The following UBAP2 variants were observed in gnomAD, a reference collection of about 807,000 sequenced individuals.
UBAP2 encodes ubiquitin associated protein 2.
UBAP2 carries 75 observed loss-of-function variants against 139.6 expected under a neutral mutation model. The ratio of observed to expected loss-of-function variants is 0.54; its 90% CI spans 0.45 to 0.65. UBAP2 has a LOEUF of 0.65. Among genes scored for constraint, UBAP2 ranks in the 30% least tolerant of loss-of-function variants. The pLI, the probability that UBAP2 is intolerant of heterozygous loss-of-function variation, is 0.00. For synonymous variants in UBAP2, 526 were observed against 526.2 expected (o/e 1.00, Z 0.01); for missense variants, 1,368 against 1,369.6 (o/e 1.00, Z 0.02).
chr9:34,022,019 C>T (rs1824992017), intron 1 of UBAP2, among the ~76,000 whole-genome samples: 1 of 152,100 alleles, frequency 6.6e-6, no homozygotes, highest in African/African-American at 2.4e-5. Flanking sequence ...CCAAGGCAGA[C>T]AGATCACCTG....
chr9:33,926,863 G>T, intron 21 of UBAP2, 126 bp downstream of exon 21: 2 of 1,033,174 alleles, frequency 1.9e-6, no homozygotes, highest in South Asian at 1.3e-5. Context: ...GGGCAGAGAC[G>T]GGGGTGCTCA....
At chr9:33,925,580 C>T (rs1195913637) in intron 22 of UBAP2, among the ~76,000 whole-genome samples, 2 of 152,200 alleles carry the variant, frequency 1.3e-5, no homozygotes, top group Non-Finnish European at 2.9e-5. Flanking sequence ...CCACCTCCTG[C>T]AGTTTGGGCC....
chr9:34,027,103 T>C (rs994036190), intron 1 of UBAP2, among the ~76,000 whole-genome samples: 8 of 152,200 alleles, frequency 5.3e-5, no homozygotes, highest in African/African-American at 1.9e-4. Context: ...CATTTTCTAC[T>C]AAGAAAACAG....
rs559894162 is a variant in UBAP2, at chr9:33,927,202, G to A, written c.2372-122C>T. 4.9e-5 allele frequency: 33 copies of A among 675,740 alleles called. 1 individual carries two copies. In the African/African-American group the frequency reaches 5.6e-4, roughly 11 times the overall value. The allele number at this position is 675,740 out of a possible 1,614,324, so 41.9% of individuals were successfully genotyped here. On this transcript the variant is annotated intron_variant, in intron 20 of 28. Coordinates refer to ENST00000379238, the MANE Select transcript of UBAP2 (RefSeq NM_001370062.2). ...CAGATGGGTTCAAAGAAGGGCAGTG[G>A]CCGAATGAGGCAGAGGGTCATTCTA...
At chr9:34,038,640 C>A (rs889419114) in intron 1 of UBAP2, among the ~76,000 whole-genome samples, 4 of 152,180 alleles carry the variant, frequency 2.6e-5, no homozygotes, top group Non-Finnish European at 5.9e-5. Context: ...CTACAACCTC[C>A]ACCTCCCACC....
chr9:33,935,169 G>GGC (rs1554680835), intron 17 of UBAP2, among the ~76,000 whole-genome samples: 3 of 144,866 alleles, frequency 2.1e-5, no homozygotes, highest in Non-Finnish European at 4.7e-5. Context: ...GTGGCGGGGG[G>GGC]GGGGGGTCTC....
At chr9:33,957,454 T>C (rs1826665734) in intron 10 of UBAP2, among the ~76,000 whole-genome samples, 1 of 152,244 alleles carries the variant, frequency 6.6e-6, no homozygotes, top group Admixed American at 6.5e-5. Context: ...ACATGCTTTC[T>C]GACACTACAG....
chr9:34,001,945 T>C (rs1244174086), intron 2 of UBAP2, among the ~76,000 whole-genome samples: 4 of 151,708 alleles, frequency 2.6e-5, no homozygotes, highest in Non-Finnish European at 5.9e-5. Context: ...TTTATGTATT[T>C]GGTATTTATA....
chr9:34,022,769 AAAG>A (rs1403292249), intron 1 of UBAP2, among the ~76,000 whole-genome samples: 1 of 152,156 alleles, frequency 6.6e-6, no homozygotes, highest in Non-Finnish European at 1.5e-5. Flanking sequence ...CATTTTAAGA[AAAG>A]AATAAAACAG....
chr9:34,017,308 G>T (rs1181093722), intron 1 of UBAP2, 119 bp from the exon 2 acceptor site: 3 of 462,064 alleles, frequency 6.5e-6, no homozygotes, highest in Non-Finnish European at 1.1e-5. Flanking sequence ...AAATTCTCAA[G>T]AAGTAGCCCT....
intron 5 of UBAP2, among the ~76,000 whole-genome samples, chr9:33,988,604 C>A (rs1195381751): frequency 6.6e-6 from 1 of 152,242 alleles, no homozygotes; most frequent in Admixed American, 6.5e-5. Flanking sequence ...TTGCCACACA[C>A]ACACCATTCT....
At chr9:33,982,258 GCAAAAATCCTCAATTA>G (rs1221585346) in intron 6 of UBAP2, among the ~76,000 whole-genome samples, 1 of 152,010 alleles carries the variant, frequency 6.6e-6, no homozygotes, top group Non-Finnish European at 1.5e-5. Flanking sequence ...CAAATCCTTT[GCAAAAATCCTCAATTA>G]CACTCCACTA....
intron 1 of UBAP2, among the ~76,000 whole-genome samples, chr9:34,041,284 C>T (rs1319745986): frequency 8.7e-5 from 12 of 137,544 alleles, no homozygotes; most frequent in Non-Finnish European, 1.5e-5. Flanking sequence ...GAACCCACAG[C>T]TCTACTAAAA....
chr9:33,970,247 T>G (rs1827816210), intron 8 of UBAP2, among the ~76,000 whole-genome samples: 1 of 151,930 alleles, frequency 6.6e-6, no homozygotes, highest in Non-Finnish European at 1.5e-5. Flanking sequence ...AACCAATTAT[T>G]CACGTTCTCA....
chr9:34,014,324 C>CAAA (rs1170182976), intron 2 of UBAP2, among the ~76,000 whole-genome samples: 17,140 of 55,482 alleles, frequency 0.31, 3,397 homozygotes, highest in East Asian at 0.66. Flanking sequence ...GAGACTGTCT[C>CAAA]AAAAAAAAAA....
rs571950684 is a variant in UBAP2 at position 34,016,823 on chromosome 9, G to T, written c.99+227C>A. On this transcript the variant is annotated intron_variant, in intron 2 of 28. Transcript: ENST00000379238. ...TCCACCCACCTCGGCCTCCCAAAGT[G>T]CTGGGATTACAGGCGTGAGCCACCG... Among the ~76,000 whole-genome samples, 3 of 152,102 alleles carry T rather than the reference G, an allele frequency of 2.0e-5. No individual in the cohort carries two copies. In the South Asian group the frequency reaches 6.2e-4, roughly 32 times the overall value.
chr9:34,004,800 G>GA (rs1026026736), intron 2 of UBAP2, among the ~76,000 whole-genome samples: 15 of 144,604 alleles, frequency 1.0e-4, no homozygotes, highest in South Asian at 2.2e-4. Context: ...AAAAAATAGG[G>GA]AAAAAAAAAG....
intron 1 of UBAP2, among the ~76,000 whole-genome samples, chr9:34,036,051 A>G (rs1445819117): frequency 6.6e-6 from 1 of 151,652 alleles, no homozygotes; most frequent in Non-Finnish European, 1.5e-5. Context: ...ATAAAACTAA[A>G]CTCTGAATAC....
intron 14 of UBAP2, 104 bp from the exon 15 acceptor site, chr9:33,943,693 G>T: frequency 2.0e-6 from 2 of 1,018,718 alleles, no homozygotes. Context: ...GGCAATACTG[G>T]CAAGAAGAAG....
Sources: allele counts gnomAD v4.1 joint callset (sites outside exome capture counted in the v4.1 genomes callset), GRCh38; gene constraint gnomAD v4.1.1; transcripts MANE v1.5; gene names NCBI Gene and HGNC (gene_info 2026-07-23, HGNC 2026-07-21).